TMEM132D: variants seen among roughly 807,000 people sequenced by gnomAD.
The protein encoded by TMEM132D is mature OL transmembrane protein.
TMEM132D carries 21 observed loss-of-function variants against 62.3 expected under a neutral mutation model. That is an observed-to-expected ratio of 0.34 (90% CI 0.24 to 0.49). The LOEUF (loss-of-function observed/expected upper bound fraction) is 0.49, where lower values mean the gene tolerates loss of function less well. TMEM132D is among the 20% of genes least tolerant of loss of function. TMEM132D has a pLI of 0.99. For missense variants in TMEM132D, 1,346 were observed against 1,402.8 expected (o/e 0.96, Z 0.65); for synonymous variants, 621 against 575.6 (o/e 1.08, Z -1.13).
rs538700692 is a variant in TMEM132D, at chr12:129,147,200, G to T, written c.1443+62320C>A. On this transcript the variant is annotated intron_variant, in intron 5 of 8. Coordinates refer to ENST00000422113, the MANE Select transcript of TMEM132D (RefSeq NM_133448.3). ...TATATATATACACATATATATTTACGTATATGTATACACATATACACATGT... is the reference window on the plus strand; with the variant it reads ...TATATATATACACATATATATTTACTTATATGTATACACATATACACATGT... 1.4e-5 allele frequency among the ~76,000 whole-genome samples: 2 copies of T among 145,124 alleles called. 1 individual carries two copies. The highest frequency in any genetic ancestry group is 4.4e-4 in the South Asian group (2 of 4,574).
chr12:129,273,339 T>C (rs1880909214), intron 4 of TMEM132D, among the ~76,000 whole-genome samples: 1 of 151,450 alleles, frequency 6.6e-6, no homozygotes, highest in African/African-American at 2.4e-5. Flanking sequence ...AGTTTGAAGA[T>C]TTCTCAAAGA....
At chr12:129,577,686 G>A (rs1005921706) in intron 2 of TMEM132D, among the ~76,000 whole-genome samples, 5 of 149,562 alleles carry the variant, frequency 3.3e-5, no homozygotes, top group African/African-American at 1.3e-4. Flanking sequence ...CAAGGTTCAT[G>A]CGCAACTTTT....
chr12:129,533,979 G>A (rs187788929), intron 2 of TMEM132D, among the ~76,000 whole-genome samples: 163 of 152,262 alleles, frequency 1.1e-3, no homozygotes, highest in Non-Finnish European at 2.0e-3. Flanking sequence ...TACTGAACAC[G>A]GTGTGTGTTG....
chr12:129,829,919 G>C (rs956144119), intron 1 of TMEM132D, among the ~76,000 whole-genome samples: 1 of 152,126 alleles, frequency 6.6e-6, no homozygotes, highest in African/African-American at 2.4e-5. Context: ...CAAATCTCCA[G>C]CTAAAACCTC....
chr12:129,701,229 C>A (rs921900799), intron 1 of TMEM132D, among the ~76,000 whole-genome samples: 2 of 152,294 alleles, frequency 1.3e-5, no homozygotes, highest in East Asian at 3.9e-4. Flanking sequence ...TGCATATACG[C>A]ACATGTCCAA....
intron 3 of TMEM132D, among the ~76,000 whole-genome samples, chr12:129,497,406 C>G (rs970959280): frequency 6.6e-6 from 1 of 152,204 alleles, no homozygotes; most frequent in East Asian, 1.9e-4. Context: ...CCCTGCTCCA[C>G]GACTCCACCT....
intron 8 of TMEM132D, among the ~76,000 whole-genome samples, chr12:129,077,000 G>T (rs575900679): frequency 1.3e-5 from 2 of 152,204 alleles, no homozygotes; most frequent in African/African-American, 2.4e-5. Context: ...CCAAGAATTC[G>T]ATTCTGTTAT....
At chr12:129,091,961 A>G (rs1302176321) in intron 5 of TMEM132D, among the ~76,000 whole-genome samples, 1 of 152,230 alleles carries the variant, frequency 6.6e-6, no homozygotes, top group Admixed American at 6.5e-5. Flanking sequence ...GGAGAAATGT[A>G]ATGGTCTAGG....
At chr12:129,300,165 T>G (rs962909583) in intron 4 of TMEM132D, among the ~76,000 whole-genome samples, 1 of 152,228 alleles carries the variant, frequency 6.6e-6, no homozygotes, top group Non-Finnish European at 1.5e-5. Context: ...AGATGGAGAA[T>G]ACTTGAGCCA....
intron 3 of TMEM132D, among the ~76,000 whole-genome samples, chr12:129,529,814 A>G (rs1319823618): frequency 1.3e-5 from 2 of 152,178 alleles, no homozygotes; most frequent in African/African-American, 4.8e-5. Context: ...TTTGCTAACT[A>G]CAAAACACAA....
chr12:129,440,033 G>C (rs959533419), intron 3 of TMEM132D, among the ~76,000 whole-genome samples: 1 of 152,164 alleles, frequency 6.6e-6, no homozygotes, highest in African/African-American at 2.4e-5. Flanking sequence ...ATGAAAAAGA[G>C]GTGTTATTTG....
chr12:129,626,801 T>A (rs1174066669), intron 2 of TMEM132D, among the ~76,000 whole-genome samples: 3 of 152,202 alleles, frequency 2.0e-5, no homozygotes, highest in Admixed American at 2.0e-4. Flanking sequence ...TAATGTTTTT[T>A]ATTTTTAATT....
At chr12:129,147,119 T>A (rs1197550510) in intron 5 of TMEM132D, among the ~76,000 whole-genome samples, 1 of 151,694 alleles carries the variant, frequency 6.6e-6, no homozygotes, top group African/African-American at 2.4e-5. Flanking sequence ...ATTTTGCCCA[T>A]TTGCCTTATT....
intron 5 of TMEM132D, among the ~76,000 whole-genome samples, chr12:129,118,290 T>A (rs536606694): frequency 5.9e-5 from 9 of 152,264 alleles, no homozygotes; most frequent in African/African-American, 2.2e-4. Flanking sequence ...GAGATGGAGA[T>A]GGAAAAGGTG....
At chr12:129,820,393 T>C (rs1293810777) in intron 1 of TMEM132D, among the ~76,000 whole-genome samples, 1 of 152,206 alleles carries the variant, frequency 6.6e-6, no homozygotes, top group African/African-American at 2.4e-5. Flanking sequence ...TACGTGGTTA[T>C]TCGAGTCTGG....
intron 4 of TMEM132D, among the ~76,000 whole-genome samples, chr12:129,326,142 T>C (rs954191900): frequency 6.6e-6 from 1 of 152,202 alleles, no homozygotes; most frequent in African/African-American, 2.4e-5. Flanking sequence ...CCTTGGTTAA[T>C]CCCGTGGACA....
chr12:129,314,139 T>C (rs1364628402), intron 4 of TMEM132D, among the ~76,000 whole-genome samples: 1 of 152,182 alleles, frequency 6.6e-6, no homozygotes, highest in East Asian at 1.9e-4. Context: ...GAAGGTTTTC[T>C]CCCCTCTGTG....
intron 1 of TMEM132D, among the ~76,000 whole-genome samples, chr12:129,733,852 C>T (rs562998312): frequency 1.3e-5 from 2 of 152,300 alleles, no homozygotes; most frequent in South Asian, 2.1e-4. Flanking sequence ...ACAGGATCTG[C>T]TGATGGATCA....
At chr12:129,409,650 T>G in intron 3 of TMEM132D, among the ~76,000 whole-genome samples, 1 of 152,190 alleles carries the variant, frequency 6.6e-6, no homozygotes, top group East Asian at 1.9e-4. Context: ...ATTGTTCAAT[T>G]CCTATAAAAT....
Sources: gnomAD v4.1 joint callset for allele counts (sites outside exome capture counted in the v4.1 genomes callset) on GRCh38, gnomAD v4.1.1 for gene constraint, MANE v1.5 for transcripts, NCBI Gene and HGNC (gene_info 2026-07-23, HGNC 2026-07-21) for gene names.